KHDRBS2: variants seen among roughly 807,000 people sequenced by gnomAD.
The protein encoded by KHDRBS2 is KH RNA binding domain containing, signal transduction associated 2.
In KHDRBS2, 26 loss-of-function variants were observed where a neutral mutation model predicts 44.3. The ratio of observed to expected loss-of-function variants is 0.59; its 90% confidence interval spans 0.43 to 0.81. The LOEUF is 0.81. KHDRBS2 is among the 40% of genes least tolerant of loss of function. The pLI is 0.00. For missense variants in KHDRBS2, 476 were observed against 433.1 expected (o/e 1.10, Z -0.88); for synonymous variants, 194 against 151.1 (o/e 1.28, Z -2.08).
chr6:61,957,739 C>T (rs1169509152), intron 4 of KHDRBS2, among the ~76,000 whole-genome samples: 3 of 152,154 alleles, frequency 2.0e-5, no homozygotes, highest in East Asian at 1.9e-4. Flanking sequence ...TGATCTCACC[C>T]TGCCTCCATT....
At chr6:61,728,753 T>C (rs752924020) in intron 7 of KHDRBS2, among the ~76,000 whole-genome samples, 59 of 152,312 alleles carry the variant, frequency 3.9e-4, no homozygotes, top group Admixed American at 9.2e-4. Flanking sequence ...AGATGATACA[T>C]TGATAAATAG....
At chr6:62,000,467 A>T (rs1778027400) in intron 3 of KHDRBS2, among the ~76,000 whole-genome samples, 1 of 152,238 alleles carries the variant, frequency 6.6e-6, no homozygotes, top group Non-Finnish European at 1.5e-5. Context: ...AGCAACAATG[A>T]GATCTACAAT....
chr6:61,850,308 G>A, intron 6 of KHDRBS2, among the ~76,000 whole-genome samples: 1 of 151,832 alleles, frequency 6.6e-6, no homozygotes, highest in East Asian at 1.9e-4. Context: ...AAACTCCTTT[G>A]GCATCTGCTT....
intron 6 of KHDRBS2, among the ~76,000 whole-genome samples, chr6:61,800,100 G>A (rs965313562): frequency 2.0e-5 from 3 of 152,016 alleles, no homozygotes; most frequent in African/African-American, 7.2e-5. Context: ...ATTCTGAATT[G>A]TAATACCACC....
intron 4 of KHDRBS2, among the ~76,000 whole-genome samples, chr6:61,959,897 C>T (rs1768256309): frequency 1.3e-5 from 2 of 152,144 alleles, no homozygotes; most frequent in South Asian, 4.1e-4. Flanking sequence ...CTCCTAAATT[C>T]TAGCTAGGTA....
intron 1 of KHDRBS2, among the ~76,000 whole-genome samples, chr6:62,213,658 A>C (rs1321367052): frequency 1.3e-5 from 2 of 151,906 alleles, no homozygotes; most frequent in African/African-American, 2.4e-5. Context: ...TCGGATCACA[A>C]GGTCAGGAGA....
At chr6:61,565,126 T>C in the KHDRBS2 span, among the ~76,000 whole-genome samples, 5 of 152,102 alleles carry the variant, frequency 3.3e-5, no homozygotes, top group African/African-American at 9.7e-5. Flanking sequence ...TTCAGAAGAA[T>C]GAAACTAGAC....
chr6:61,894,682 C>G lies in KHDRBS2; in HGVS notation c.763G>C (p.Gly255Arg). The part of the protein sequence containing the change: ...PRARGAPTVP[G>R]YRAPPPPAHE... ...GCTGGAGGAGGAGGTGCCCTGTATC[C>G]TGGCACTGTTGGTGCCCCCCGGGCT... Residue 255 changes from glycine (G) to arginine (R), a missense_variant, in exon 6 of 9, where the codon GGA becomes CGA. Coordinates refer to ENST00000281156, the MANE Select transcript of KHDRBS2 (RefSeq NM_152688.4). 6.2e-7 allele frequency: 1 copy of G among 1,613,358 alleles called. No homozygotes were observed. Among genetic ancestry groups the G allele is most frequent in the Non-Finnish European group, 8.5e-7 (1 of 1,179,756 alleles).
At chr6:62,231,558 G>A (rs953684958) in intron 1 of KHDRBS2, among the ~76,000 whole-genome samples, 2 of 152,030 alleles carry the variant, frequency 1.3e-5, no homozygotes, top group African/African-American at 4.8e-5. Flanking sequence ...GGACACACAA[G>A]AGCCAAACCA....
intron 2 of KHDRBS2, among the ~76,000 whole-genome samples, chr6:62,120,648 A>C (rs1185939370): frequency 1.3e-5 from 2 of 152,244 alleles, no homozygotes; most frequent in Non-Finnish European, 2.9e-5. Context: ...AGAAGCGAAA[A>C]TGATAGGAAG....
chr6:62,277,962 T>C (rs1324203446), intron 1 of KHDRBS2, among the ~76,000 whole-genome samples: 1 of 152,154 alleles, frequency 6.6e-6, no homozygotes, highest in East Asian at 1.9e-4. Flanking sequence ...AACTCTGCAC[T>C]TGAGAAGATG....
chr6:61,605,434 C>A, the KHDRBS2 span, among the ~76,000 whole-genome samples: 1 of 152,174 alleles, frequency 6.6e-6, no homozygotes, highest in Non-Finnish European at 1.5e-5. Flanking sequence ...AATAAATAAT[C>A]TTTGCTGGCA....
intron 2 of KHDRBS2, among the ~76,000 whole-genome samples, chr6:62,080,409 T>A (rs2127354181): frequency 6.6e-6 from 1 of 152,240 alleles, no homozygotes; most frequent in Non-Finnish European, 1.5e-5. Context: ...TTTTTTCCAT[T>A]AGAAATGACA....
the KHDRBS2 span, among the ~76,000 whole-genome samples, chr6:61,556,695 A>T: frequency 1.3e-5 from 2 of 152,196 alleles, no homozygotes; most frequent in East Asian, 3.9e-4. Flanking sequence ...AGCTTACAGC[A>T]CAGTGTTTTT....
intron 1 of KHDRBS2, among the ~76,000 whole-genome samples, chr6:62,179,645 A>G (rs1426056931): frequency 6.6e-6 from 1 of 151,750 alleles, no homozygotes. Context: ...TATAATACAT[A>G]TGGCTTCTCC....
chr6:62,001,574 C>T (rs1279045879), intron 3 of KHDRBS2, among the ~76,000 whole-genome samples: 1 of 152,036 alleles, frequency 6.6e-6, no homozygotes, highest in Non-Finnish European at 1.5e-5. Context: ...GTGATACTTA[C>T]CATGTCCATA....
chr6:61,689,949 GT>G (rs1767213438), intron 8 of KHDRBS2, among the ~76,000 whole-genome samples: 1 of 151,918 alleles, frequency 6.6e-6, no homozygotes, highest in Non-Finnish European at 1.5e-5. Flanking sequence ...GGTGGTGATA[GT>G]TTTTTAAAAT....
chr6:62,179,349 C>T (rs1275086119), intron 1 of KHDRBS2, among the ~76,000 whole-genome samples: 5 of 151,672 alleles, frequency 3.3e-5, no homozygotes, highest in Non-Finnish European at 7.4e-5. Context: ...AGTGTGATAA[C>T]ATCAGATTCC....
chr6:62,073,320 A>C (rs1795621870), intron 2 of KHDRBS2, among the ~76,000 whole-genome samples: 1 of 151,442 alleles, frequency 6.6e-6, no homozygotes, highest in Non-Finnish European at 1.5e-5. Context: ...TTTTCATCTC[A>C]TCTACATTAT....
Sources: allele counts gnomAD v4.1 joint callset (sites outside exome capture counted in the v4.1 genomes callset), GRCh38; gene constraint gnomAD v4.1.1; transcripts MANE v1.5; gene names NCBI Gene and HGNC (gene_info 2026-07-23, HGNC 2026-07-21).